USP25: variants seen among roughly 807,000 people sequenced by gnomAD.
USP25 encodes ubiquitin specific peptidase 25, also known as ubiquitin carboxyl-terminal hydrolase 25.
In USP25, 85 loss-of-function variants were observed where a neutral mutation model predicts 158.5. That is an observed-to-expected ratio of 0.54 (90% confidence interval 0.45 to 0.64). The LOEUF (loss-of-function observed/expected upper bound fraction) is 0.64, where lower values mean the gene tolerates loss of function less well. Among genes scored for constraint, USP25 ranks in the 30% least tolerant of loss-of-function variants. The pLI is 0.00. For missense variants in USP25, 1,242 were observed against 1,327.3 expected, an observed-to-expected ratio of 0.94 and a Z score of 1.00; for synonymous variants, 464 against 460.4, an observed-to-expected ratio of 1.01 and a Z score of -0.10.
chr21:15,777,301 T>C (rs1200650017), intron 3 of USP25, among the ~76,000 whole-genome samples: 1 of 152,198 alleles, frequency 6.6e-6, no homozygotes, highest in African/African-American at 2.4e-5. Context: ...TAGAAGTATT[T>C]AAATAGAAAG....
chr21:15,856,824 A>G (rs955015418), intron 20 of USP25, among the ~76,000 whole-genome samples: 3 of 152,096 alleles, frequency 2.0e-5, no homozygotes, highest in Non-Finnish European at 4.4e-5. Flanking sequence ...ATGTATATGT[A>G]ATTATTCATA....
chr21:15,797,717 G>T (rs765434394), intron 5 of USP25, among the ~76,000 whole-genome samples: 2 of 151,172 alleles, frequency 1.3e-5, no homozygotes, highest in Non-Finnish European at 3.0e-5. Flanking sequence ...CAAAAGAATA[G>T]TCCATGGTTT....
At chr21:15,769,389 C>T (rs2034220784) in intron 3 of USP25, among the ~76,000 whole-genome samples, 1 of 152,004 alleles carries the variant, frequency 6.6e-6, no homozygotes. Flanking sequence ...TACTGTAATT[C>T]TGTTGAATTC....
At chr21:15,874,297 G>C in intron 23 of USP25, 106 bp from the exon 24 acceptor site, 1 of 1,046,044 alleles carries the variant, frequency 9.6e-7, no homozygotes. Context: ...TTATAATGTA[G>C]ATTATCAAAA....
At chr21:15,736,088 G>A (rs117410584) in intron 1 of USP25, among the ~76,000 whole-genome samples, 5,823 of 150,794 alleles carry the variant, frequency 0.039, 163 homozygotes, top group Middle Eastern at 0.13. Flanking sequence ...TTTGCCAGAT[G>A]CTGATCTTAT....
intron 1 of USP25, among the ~76,000 whole-genome samples, chr21:15,738,690 C>T (rs917158804): frequency 9.2e-5 from 14 of 152,058 alleles, no homozygotes; most frequent in African/African-American, 1.4e-4. Flanking sequence ...GAGGAGACCA[C>T]GCCTCATATT....
rs1267312708 is a variant in USP25, at chr21:15,878,583, A to AT, written c.*112dup. The AT allele has an allele frequency of 1.4e-5, 17 of 1,234,010 alleles. No individual in the cohort carries two copies. The East Asian group carries it at 3.2e-4, about 23-fold the overall frequency. The allele number at this position is 1,234,010 out of a possible 1,614,324, so 76.4% of individuals were successfully genotyped here. A position where few individuals can be genotyped will look rare whatever the true frequency, so the allele number is the denominator to read the frequency against. On this transcript the variant is annotated 3_prime_UTR_variant, in exon 26 of 26. Transcript: ENST00000400183. ...CTGCTATAGTTTTTAACTTTTTTTTATTTTAATAACTGCAAAAGACAAAAT... is the reference window on the plus strand; with the variant it reads ...CTGCTATAGTTTTTAACTTTTTTTTATTTTTAATAACTGCAAAAGACAAAAT...
chr21:15,870,079 G>T lies in USP25; in HGVS notation c.2817G>T (p.Gln939His). The change falls in exon 23 of 26, where the codon CAG becomes CAT. Residue 939 changes from glutamine to histidine, a missense_variant. By Grantham distance (24) the Gln-to-His change is conservative. Transcript: ENST00000400183. Reference sequence around the variant, plus strand: ...TCTTTCACCTACAGGAGTGGCATCAGGATTATAGGAAATTCAGGGAAACAA... The same window carrying T: ...TCTTTCACCTACAGGAGTGGCATCATGATTATAGGAAATTCAGGGAAACAA... ...VNLEEYEEWH[Q>H]DYRKFRETTM... 6.2e-7 allele frequency: 1 copy of T among 1,608,226 alleles called. No homozygotes were observed. The highest frequency in any genetic ancestry group is 1.1e-5 in the South Asian group (1 of 90,044).
At position 15,843,889 on chromosome 21, in the gene USP25, C is replaced by T. The variant is rs984318438; in HGVS notation, c.2337+1349C>T. Among the ~76,000 whole-genome samples, 1 of 152,078 alleles carries T rather than the reference C, an allele frequency of 6.6e-6. No homozygotes were observed. Among genetic ancestry groups the T allele is most frequent in the Non-Finnish European group, 1.5e-5 (1 of 67,988 alleles). On this transcript the variant is annotated intron_variant, in intron 18 of 25. Coordinates refer to ENST00000400183, the MANE Select transcript of USP25 (RefSeq NM_001283041.3). The surrounding 1 kb of genome is among the most constrained non-coding windows in gnomAD (Gnocchi z 4.0). The stretch of plus-strand genomic sequence containing the variant: ...CACTTTTTAAGCTGGTATTAGAAAA[C>T]CAAAAGCATTACTTAGCTTAATGTA...
intron 4 of USP25, among the ~76,000 whole-genome samples, chr21:15,789,769 A>G (rs989189324): frequency 2.0e-5 from 3 of 152,028 alleles, no homozygotes; most frequent in Admixed American, 1.3e-4. Context: ...CTGTATCTCA[A>G]CGTCTAAATA....
intron 7 of USP25, among the ~76,000 whole-genome samples, chr21:15,806,126 T>A (rs1433708776): frequency 6.6e-6 from 1 of 152,240 alleles, no homozygotes; most frequent in African/African-American, 2.4e-5. Context: ...ATTCTAACAA[T>A]GCTCCAGTGC....
intron 5 of USP25, among the ~76,000 whole-genome samples, chr21:15,797,189 G>C (rs537075788): frequency 1.3e-5 from 2 of 151,286 alleles, no homozygotes; most frequent in Non-Finnish European, 3.0e-5. Context: ...TCCAGAGGGA[G>C]AGTAAAAGGA....
chr21:15,792,738 T>C (rs1451778790), intron 5 of USP25, among the ~76,000 whole-genome samples: 1 of 151,608 alleles, frequency 6.6e-6, no homozygotes, highest in Non-Finnish European at 1.5e-5. Flanking sequence ...CCCTTTTTGC[T>C]TCTGGTGCAT....
At chr21:15,811,059 T>C (rs867108018) in intron 8 of USP25, 78 bp from the exon 9 acceptor site, 2 of 1,284,758 alleles carry the variant, frequency 1.6e-6, no homozygotes, top group South Asian at 2.7e-5. Context: ...TCTTGTCATA[T>C]GTTATAGTTC....
chr21:15,809,450 C>T (rs1276947998), intron 8 of USP25, among the ~76,000 whole-genome samples: 2 of 151,270 alleles, frequency 1.3e-5, no homozygotes, highest in South Asian at 2.1e-4. Flanking sequence ...ATGGCGGCTA[C>T]GAAAAAAAAC....
intron 20 of USP25, among the ~76,000 whole-genome samples, chr21:15,857,542 A>G (rs576403052): frequency 5.3e-5 from 8 of 152,120 alleles, no homozygotes; most frequent in African/African-American, 1.7e-4. Flanking sequence ...TATTTTGGCA[A>G]TTGGTATTTA....
intron 21 of USP25, among the ~76,000 whole-genome samples, chr21:15,865,350 T>C (rs1478658055): frequency 6.6e-6 from 1 of 152,152 alleles, no homozygotes; most frequent in Non-Finnish European, 1.5e-5. Flanking sequence ...GTCTCAAAAA[T>C]ACTGAGTTAA....
intron 20 of USP25, among the ~76,000 whole-genome samples, chr21:15,853,933 T>C (rs769424208): frequency 4.6e-5 from 7 of 152,198 alleles, no homozygotes; most frequent in East Asian, 1.9e-4. Context: ...TCCATAGTTA[T>C]TGGCATGTTT....
At chr21:15,777,811 T>G (rs2034744191) in intron 3 of USP25, 93 bp from the exon 4 acceptor site, 1 of 1,253,436 alleles carries the variant, frequency 8.0e-7, no homozygotes, top group East Asian at 2.7e-5. Flanking sequence ...TACTGACTGG[T>G]TTAAAGAGTA....
Sources: gnomAD v4.1 joint callset for allele counts (sites outside exome capture counted in the v4.1 genomes callset) on GRCh38, gnomAD v4.1.1 for gene constraint, Gnocchi (gnomAD v3.1) non-coding constraint, MANE v1.5 for transcripts, NCBI Gene and HGNC (gene_info 2026-07-23, HGNC 2026-07-21) for gene names.